The following GPAT4 variants were observed in gnomAD, a reference collection of about 807,000 sequenced individuals.
GPAT4 encodes the protein glycerol-3-phosphate acyltransferase 4.
In GPAT4, 17 loss-of-function variants were observed where a neutral mutation model predicts 58.0. The ratio of observed to expected loss-of-function variants is 0.29; its 90% CI spans 0.20 to 0.44. GPAT4 has a LOEUF of 0.44. Ranked by LOEUF, GPAT4 falls within the 20% of genes least tolerant of loss-of-function variation. GPAT4 has a pLI of 1.00. For synonymous variants in GPAT4, 204 were observed against 210.1 expected, an observed-to-expected ratio of 0.97 and a Z score of 0.25; for missense variants, 377 against 574.5, an observed-to-expected ratio of 0.66 and a Z score of 3.51.
intron 1 of GPAT4, among the ~76,000 whole-genome samples, chr8:41,593,174 ATACTT>A (rs1204467608): frequency 5.9e-5 from 9 of 152,244 alleles, no homozygotes; most frequent in African/African-American, 1.9e-4. Context: ...GTTCTGGCTA[ATACTT>A]TACTTGTATC....
At chr8:41,608,299 A>G (rs888248203) in intron 2 of GPAT4, among the ~76,000 whole-genome samples, 2 of 152,232 alleles carry the variant, frequency 1.3e-5, no homozygotes, top group African/African-American at 4.8e-5. Flanking sequence ...AACCCGCACC[A>G]TGTGCCCTGG....
chr8:41,579,087 C>CA (rs1802440343), intron 1 of GPAT4, among the ~76,000 whole-genome samples: 1 of 152,222 alleles, frequency 6.6e-6, no homozygotes, highest in Admixed American at 6.5e-5. Context: ...GATTCTATCT[C>CA]AATCCAAGGG....
chr8:41,611,778 G>A (rs1803452063), intron 5 of GPAT4, 125 bp from the exon 6 acceptor site: 2 of 768,098 alleles, frequency 2.6e-6, no homozygotes, highest in Non-Finnish European at 4.3e-6. Context: ...GGACTTTCCT[G>A]TAGGTGCTGA....
intron 1 of GPAT4, among the ~76,000 whole-genome samples, chr8:41,590,893 A>T (rs1284455033): frequency 6.6e-6 from 1 of 150,914 alleles, no homozygotes; most frequent in Non-Finnish European, 1.5e-5. Context: ...TGGACTGGGG[A>T]TAAACAAACG....
intron 2 of GPAT4, among the ~76,000 whole-genome samples, chr8:41,608,348 G>A (rs544610960): frequency 2.6e-5 from 4 of 152,344 alleles, no homozygotes; most frequent in African/African-American, 4.8e-5. Flanking sequence ...TGATGGGCTC[G>A]TGCCCACTGT....
intron 3 of GPAT4, 45 bp from the exon 4 acceptor site, chr8:41,609,610 G>A: frequency 5.6e-6 from 9 of 1,605,338 alleles, no homozygotes; most frequent in African/African-American, 1.3e-5. Flanking sequence ...TGTCTCACGT[G>A]CTCTCCCCCA....
chr8:41,587,893 T>C (rs1802697305), intron 1 of GPAT4, among the ~76,000 whole-genome samples: 1 of 152,238 alleles, frequency 6.6e-6, no homozygotes, highest in African/African-American at 2.4e-5. Context: ...CAGCAGTATT[T>C]GAGGATGTTT....
chr8:41,582,298 GT>G (rs1802536721), intron 1 of GPAT4, among the ~76,000 whole-genome samples: 2 of 152,148 alleles, frequency 1.3e-5, no homozygotes, highest in South Asian at 4.2e-4. Context: ...GACACTGCAC[GT>G]GGCCGAAGCT....
intron 2 of GPAT4, among the ~76,000 whole-genome samples, chr8:41,609,100 G>A (rs1448714016): frequency 6.6e-6 from 1 of 152,248 alleles, no homozygotes; most frequent in Non-Finnish European, 1.5e-5. Context: ...CGTGAGGTCT[G>A]TGCTGTCAGC....
rs374861838 is a variant in GPAT4 at position 41,593,223 on chromosome 8, T to C, written c.-848-5069T>C. Among the ~76,000 whole-genome samples the C allele has an allele frequency of 6.6e-5, 10 of 152,156 alleles. No homozygotes were observed. The East Asian group carries it at 7.7e-4, about 12-fold the overall frequency. On this transcript the variant is annotated intron_variant, in intron 1 of 12. Transcript: ENST00000396987. Reference sequence around the variant, plus strand: ...GTCCCCACCAGTCTTCAGTCCTTAATCTTATTTCAAAAACTGTGGACATGG... The same window carrying C: ...GTCCCCACCAGTCTTCAGTCCTTAACCTTATTTCAAAAACTGTGGACATGG...
chr8:41,582,084 C>A (rs1279269798), intron 1 of GPAT4, among the ~76,000 whole-genome samples: 3 of 138,192 alleles, frequency 2.2e-5, no homozygotes, highest in Non-Finnish European at 4.5e-5. Context: ...TCTCGGCTCT[C>A]TGCAACCCTC....
Position 41,618,972 on chromosome 8 carries a change from G to C in GPAT4, c.1257G>C (p.Leu419=), listed in dbSNP as rs767851724. The C allele has an allele frequency of 6.2e-7, 1 of 1,614,236 alleles. No individual in the cohort carries two copies. Among genetic ancestry groups the C allele is most frequent in the East Asian group, 2.2e-5 (1 of 44,884 alleles). The change falls in exon 12 of 13, where the codon CTG becomes CTC. Residue 419 remains leucine (L), a synonymous_variant. Coordinates refer to ENST00000396987, the MANE Select transcript of GPAT4 (RefSeq NM_178819.4). The part of the protein sequence containing the change: ...AIARQGGLVD[L]LWDGGLKREK... ...CCAGGCAGGGAGGACTTGTGGACCT[G>C]CTGTGGTAAGTTTAGAGCCAGGCCT... is the stretch of plus-strand genomic sequence containing the variant.
At chr8:41,609,267 T>G (rs1585669453) in intron 2 of GPAT4, 149 bp from the exon 3 acceptor site, 1 of 774,714 alleles carries the variant, frequency 1.3e-6, no homozygotes, top group African/African-American at 1.7e-5. Flanking sequence ...TGGGGAGAGG[T>G]GGTTTGAGTT....
At chr8:41,615,090 G>T (rs1459777898) in intron 10 of GPAT4, 42 bp downstream of exon 10, 1 of 1,540,796 alleles carries the variant, frequency 6.5e-7, no homozygotes, top group Non-Finnish European at 8.9e-7. Context: ...TACTGGAGCT[G>T]CTGTGAGTGG....
chr8:41,602,774 A>C (rs1458084160), intron 2 of GPAT4, among the ~76,000 whole-genome samples: 1 of 152,130 alleles, frequency 6.6e-6, no homozygotes, highest in African/African-American at 2.4e-5. Context: ...CTTAAAAAAC[A>C]CGTTTAGTTT....
chr8:41,609,145 G>C (rs768181255), intron 2 of GPAT4, among the ~76,000 whole-genome samples: 2 of 152,234 alleles, frequency 1.3e-5, no homozygotes, highest in Non-Finnish European at 2.9e-5. Context: ...ACAGAGAGAC[G>C]TAGGCAGTGA....
At chr8:41,619,927 CAGT>C (rs781401929) in intron 12 of GPAT4, among the ~76,000 whole-genome samples, 1 of 152,190 alleles carries the variant, frequency 6.6e-6, no homozygotes, top group Non-Finnish European at 1.5e-5. Context: ...TTCGCCCTCA[CAGT>C]AGCCGCAGCG....
chr8:41,616,971 C>G (rs1803612046), intron 10 of GPAT4, among the ~76,000 whole-genome samples: 1 of 152,152 alleles, frequency 6.6e-6, no homozygotes, highest in South Asian at 2.1e-4. Flanking sequence ...TCTCTGTCCA[C>G]ACACACTGCC....
At chr8:41,607,778 C>T (rs1803323342) in intron 2 of GPAT4, among the ~76,000 whole-genome samples, 1 of 152,136 alleles carries the variant, frequency 6.6e-6, no homozygotes, top group Admixed American at 6.5e-5. Flanking sequence ...ATCTTTCTGC[C>T]TTGGCCTCCC....
Sources: gnomAD v4.1 joint callset for allele counts (sites outside exome capture counted in the v4.1 genomes callset) on GRCh38, gnomAD v4.1.1 for gene constraint, MANE v1.5 for transcripts, NCBI Gene and HGNC (gene_info 2026-07-23, HGNC 2026-07-21) for gene names.